KCNQ5: variants seen among roughly 807,000 people sequenced by gnomAD.
KCNQ5 encodes the protein potassium voltage-gated channel subfamily Q member 5, also known as potassium voltage-gated channel subfamily KQT member 5.
A neutral mutation model predicts 98.2 loss-of-function variants in KCNQ5; 30 were observed. That is an observed-to-expected ratio of 0.31 (90% CI 0.23 to 0.41). The LOEUF (loss-of-function observed/expected upper bound fraction) is 0.41. Among genes scored for constraint, KCNQ5 ranks in the 10% least tolerant of loss-of-function variants. The pLI is 1.00. For missense variants in KCNQ5, 835 were observed against 1,182.5 expected, an observed-to-expected ratio of 0.71 and a Z score of 4.31; for synonymous variants, 458 against 449.4, an observed-to-expected ratio of 1.02 and a Z score of -0.24.
At chr6:72,998,728 C>T (rs1409625461) in intron 1 of KCNQ5, among the ~76,000 whole-genome samples, 1 of 150,912 alleles carries the variant, frequency 6.6e-6, no homozygotes, top group African/African-American at 2.4e-5. Context: ...CAGAGTGAGA[C>T]TCCATCTCAA....
intron 1 of KCNQ5, among the ~76,000 whole-genome samples, chr6:72,940,112 CTT>C (rs1766150760): frequency 6.6e-6 from 1 of 152,302 alleles, no homozygotes; most frequent in East Asian, 1.9e-4. Flanking sequence ...TCCAAGCACT[CTT>C]TAAGCTTGAA....
rs7755521 is a variant in KCNQ5 at position 72,905,218 on chromosome 6, G to T, written c.399-98690G>T. Among the ~76,000 whole-genome samples the T allele has an allele frequency of 2.6e-5, 4 of 151,932 alleles. No individual in the cohort carries two copies. The South Asian group carries it at 8.3e-4, about 31-fold the overall frequency. On this transcript the variant is annotated intron_variant, in intron 1 of 13. Transcript: ENST00000370398. The stretch of plus-strand genomic sequence containing the variant: ...TTCTATAAGTGCATCCGATGCTTCC[G>T]GAAGTTTTGATTTTTTTTATTTATG...
chr6:72,632,743 C>T (rs115470361), intron 1 of KCNQ5, among the ~76,000 whole-genome samples: 1,685 of 152,056 alleles, frequency 0.011, 33 homozygotes, highest in African/African-American at 0.039. Context: ...ATCCATGTTG[C>T]GGCAAAGGAC....
At chr6:72,791,740 A>G (rs1199203633) in intron 1 of KCNQ5, among the ~76,000 whole-genome samples, 1 of 152,170 alleles carries the variant, frequency 6.6e-6, no homozygotes, top group Non-Finnish European at 1.5e-5. Flanking sequence ...AGATTGAAGG[A>G]CCATGTCTAG....
chr6:72,628,943 C>A (rs141799626), intron 1 of KCNQ5, among the ~76,000 whole-genome samples: 41 of 152,226 alleles, frequency 2.7e-4, no homozygotes, highest in African/African-American at 8.4e-4. Flanking sequence ...CTTAACAGAA[C>A]ACATCACTCC....
At chr6:72,971,791 GA>G (rs1767913749) in intron 1 of KCNQ5, among the ~76,000 whole-genome samples, 2 of 152,130 alleles carry the variant, frequency 1.3e-5, no homozygotes, top group African/African-American at 4.8e-5. Context: ...TGAACAATGA[GA>G]ACACTTGGAC....
At chr6:73,112,177 T>C (rs1450050194) in intron 7 of KCNQ5, among the ~76,000 whole-genome samples, 1 of 152,024 alleles carries the variant, frequency 6.6e-6, no homozygotes, top group Non-Finnish European at 1.5e-5. Flanking sequence ...GACAAAATAA[T>C]TCTACAATCT....
rs746339703 is a variant in KCNQ5 at position 72,941,377 on chromosome 6, CTCCT to C, written c.399-62518_399-62515del. ...CCTTCTTTTCTTCCTTCCTTCTTTC[CTCCT>C]TCCTTCCTTCCTCCTTTCCTCCTTC... On this transcript the variant is annotated intron_variant, in intron 1 of 13. Transcript: ENST00000370398. Among the ~76,000 whole-genome samples the C allele has an allele frequency of 6.7e-3, 193 of 28,730 alleles. No homozygotes were observed. In the East Asian group the frequency reaches 0.12, roughly 18 times the overall value. 18.8% of individuals were successfully genotyped at this position (28,730 alleles called of 152,430 possible).
chr6:72,996,519 A>C (rs1769306842), intron 1 of KCNQ5, among the ~76,000 whole-genome samples: 1 of 152,216 alleles, frequency 6.6e-6, no homozygotes, highest in Non-Finnish European at 1.5e-5. Context: ...TTAGGGACCA[A>C]AGAAGTAGGG....
chr6:73,163,350 C>G (rs1312000704), intron 10 of KCNQ5, among the ~76,000 whole-genome samples: 1 of 152,234 alleles, frequency 6.6e-6, no homozygotes, highest in Non-Finnish European at 1.5e-5. Context: ...TACCTATGAT[C>G]ACACCACTGC....
rs938101995 is a variant in KCNQ5 at position 73,053,494 on chromosome 6, A to G, written c.616+11432A>G. 5.6e-4 allele frequency among the ~76,000 whole-genome samples: 85 copies of G among 152,286 alleles called. 1 individual carries two copies. Among genetic ancestry groups the G allele is most frequent in the East Asian group, 1.9e-4 (1 of 5,188 alleles). On this transcript the variant is annotated intron_variant, in intron 3 of 13. Transcript: ENST00000370398. ...ATAATCTAAAATTGACTAATCAGCC[A>G]TAAAACAATCCTTAGCAAATAAAAA...
chr6:72,971,547 G>A (rs1027751684), intron 1 of KCNQ5, among the ~76,000 whole-genome samples: 10 of 152,140 alleles, frequency 6.6e-5, no homozygotes, highest in Admixed American at 2.6e-4. Context: ...ACATGCACAC[G>A]TATGTTTACT....
intron 1 of KCNQ5, among the ~76,000 whole-genome samples, chr6:72,670,235 T>C (rs1266899879): frequency 1.3e-5 from 2 of 152,214 alleles, no homozygotes; most frequent in Non-Finnish European, 2.9e-5. Context: ...TTAACGTCCA[T>C]ATTTTTGCTA....
chr6:73,077,402 A>G lies in KCNQ5; in HGVS notation c.697A>G (p.Ser233Gly), dbSNP rs1352819640. Residue 233 changes from serine to glycine, a missense_variant, in exon 4 of 14, where the codon AGT (serine) becomes GGT (glycine). Ser to Gly is a moderately conservative substitution (Grantham distance 56, BLOSUM62 0). Transcript: ENST00000370398. ...GNIFATSALRSLRFLQILRMV... is the reference protein window; with the variant it reads ...GNIFATSALRGLRFLQILRMV... ...TATTTTTGCCACGTCTGCACTCAGA[A>G]GTCTCCGTTTCCTACAGATCCTCCG... The G allele has an allele frequency of 5.6e-6, 9 of 1,614,072 alleles. No individual in the cohort carries two copies. The highest frequency in any genetic ancestry group is 1.7e-5 in the Admixed American group (1 of 60,000).
intron 1 of KCNQ5, among the ~76,000 whole-genome samples, chr6:72,843,772 G>A (rs920375489): frequency 6.6e-6 from 1 of 152,116 alleles, no homozygotes; most frequent in Non-Finnish European, 1.5e-5. Flanking sequence ...CAATAGCAAA[G>A]ACTTGGAACC....
intron 3 of KCNQ5, among the ~76,000 whole-genome samples, chr6:73,048,593 A>G (rs536005271): frequency 7.9e-5 from 12 of 152,206 alleles, no homozygotes; most frequent in Non-Finnish European, 1.8e-4. Context: ...AACAAAAAGT[A>G]TGGCTGTTTA....
intron 1 of KCNQ5, among the ~76,000 whole-genome samples, chr6:72,765,897 T>C (rs1772543806): frequency 6.6e-6 from 1 of 152,012 alleles, no homozygotes; most frequent in East Asian, 1.9e-4. Context: ...TCAACTAGGA[T>C]GACAGTAACA....
chr6:73,131,617 A>C (rs1451227455), intron 9 of KCNQ5, among the ~76,000 whole-genome samples: 1 of 151,486 alleles, frequency 6.6e-6, no homozygotes, highest in Non-Finnish European at 1.5e-5. Flanking sequence ...AAAAAGCTTG[A>C]GAAAAGTAGA....
intron 1 of KCNQ5, among the ~76,000 whole-genome samples, chr6:72,623,963 G>A (rs1041832830): frequency 2.6e-5 from 4 of 152,208 alleles, no homozygotes; most frequent in African/African-American, 9.6e-5. Flanking sequence ...CCACATAGGA[G>A]TCAGGAAATT....
Sources: gnomAD v4.1 joint callset for allele counts (sites outside exome capture counted in the v4.1 genomes callset) on GRCh38, gnomAD v4.1.1 for gene constraint, MANE v1.5 for transcripts, NCBI Gene and HGNC (gene_info 2026-07-23, HGNC 2026-07-21) for gene names.